The following PDE8A variants were observed in gnomAD, a reference collection of about 807,000 sequenced individuals.
The protein encoded by PDE8A is phosphodiesterase 8A.
In PDE8A, 59 loss-of-function variants were observed where a neutral mutation model predicts 105.0. The observed-to-expected ratio is 0.56, with a 90% CI of 0.46 to 0.70. The LOEUF is 0.70. Among genes scored for constraint, PDE8A ranks in the 30% least tolerant of loss-of-function variants. The pLI, the probability that PDE8A is intolerant of heterozygous loss-of-function variation, is 0.00. For missense variants in PDE8A, 1,014 were observed against 1,045.9 expected (o/e 0.97, Z 0.42); for synonymous variants, 355 against 371.9 (o/e 0.95, Z 0.52).
At chr15:85,007,710 G>A (rs998197100) in intron 1 of PDE8A, among the ~76,000 whole-genome samples, 2 of 152,054 alleles carry the variant, frequency 1.3e-5, no homozygotes, top group African/African-American at 4.8e-5. Flanking sequence ...GGAGTGCTGG[G>A]AGGATTAAAT....
rs371837810 is a variant in PDE8A, at chr15:85,029,911, G to A, written c.187-34459G>A. On this transcript the variant is annotated intron_variant, in intron 1 of 21. Coordinates refer to ENST00000394553, the MANE Select transcript of PDE8A (RefSeq NM_002605.3). ...GGGAAGGGGGACACTCTTTTAACTGGGAGAAAGAAGTCTCCACCTCTCCCC... is the reference window on the plus strand; with the variant it reads ...GGGAAGGGGGACACTCTTTTAACTGAGAGAAAGAAGTCTCCACCTCTCCCC... Among the ~76,000 whole-genome samples the A allele has an allele frequency of 2.0e-4, 30 of 152,224 alleles. No individual in the cohort carries two copies. In the East Asian group the frequency reaches 3.1e-3, roughly 16 times the overall value.
chr15:85,084,562 A>G (rs2081519288), intron 6 of PDE8A, among the ~76,000 whole-genome samples: 1 of 152,206 alleles, frequency 6.6e-6, no homozygotes, highest in Non-Finnish European at 1.5e-5. Context: ...CAGCACTCCC[A>G]CAGTGAATTA....
intron 5 of PDE8A, among the ~76,000 whole-genome samples, chr15:85,081,672 G>A (rs1225182254): frequency 6.6e-6 from 1 of 152,108 alleles, no homozygotes; most frequent in East Asian, 1.9e-4. Flanking sequence ...TGGGATCCTT[G>A]GGACAGAAAC....
At chr15:84,990,358 C>T (rs967775257) in intron 1 of PDE8A, among the ~76,000 whole-genome samples, 3 of 152,032 alleles carry the variant, frequency 2.0e-5, no homozygotes, top group Non-Finnish European at 4.4e-5. Context: ...ATTATAATCA[C>T]CCCCAAAAGT....
chr15:85,032,025 T>C (rs930959457), intron 1 of PDE8A, among the ~76,000 whole-genome samples: 6 of 152,180 alleles, frequency 3.9e-5, no homozygotes, highest in African/African-American at 1.4e-4. Context: ...TTTGTATAGG[T>C]GATGTTACTT....
At chr15:85,091,637 AAG>A (rs1208378753) in intron 8 of PDE8A, among the ~76,000 whole-genome samples, 5 of 152,210 alleles carry the variant, frequency 3.3e-5, no homozygotes, top group African/African-American at 1.2e-4. Context: ...GTATGGAAAG[AAG>A]AGCAAAACAA....
At chr15:84,991,216 G>A (rs755396408) in intron 1 of PDE8A, among the ~76,000 whole-genome samples, 1 of 152,116 alleles carries the variant, frequency 6.6e-6, no homozygotes, top group Non-Finnish European at 1.5e-5. Flanking sequence ...AAAGGAAAGC[G>A]GCAGACTGGA....
intron 1 of PDE8A, among the ~76,000 whole-genome samples, chr15:85,000,888 C>T (rs780622316): frequency 6.6e-6 from 1 of 152,172 alleles, no homozygotes; most frequent in African/African-American, 2.4e-5. Context: ...TTCTGAAAAA[C>T]TTGTCTTCAG....
chr15:85,066,535 G>A (rs59741391), intron 2 of PDE8A, among the ~76,000 whole-genome samples: 2 of 149,478 alleles, frequency 1.3e-5, no homozygotes, highest in Admixed American at 1.4e-4. Context: ...CTGTACACCA[G>A]CCCATGCAAC....
intron 5 of PDE8A, among the ~76,000 whole-genome samples, chr15:85,080,343 C>T (rs147748757): frequency 7.0e-4 from 107 of 152,270 alleles, no homozygotes; most frequent in Middle Eastern, 3.4e-3. Flanking sequence ...AGCAGTAAGG[C>T]GTCCCAGGTT....
chr15:84,993,545 C>T (rs1286648886), intron 1 of PDE8A, among the ~76,000 whole-genome samples: 1 of 149,874 alleles, frequency 6.7e-6, no homozygotes, highest in Non-Finnish European at 1.5e-5. Flanking sequence ...TGGTGTGTTT[C>T]CTTCCATCCA....
chr15:85,042,677 C>G (rs557876266), intron 1 of PDE8A, among the ~76,000 whole-genome samples: 3 of 152,184 alleles, frequency 2.0e-5, no homozygotes, highest in Non-Finnish European at 4.4e-5. Context: ...TGTTCTAGAA[C>G]CAAAGTAGGG....
At chr15:85,037,011 G>C (rs1032685332) in intron 1 of PDE8A, among the ~76,000 whole-genome samples, 2 of 151,952 alleles carry the variant, frequency 1.3e-5, no homozygotes, top group African/African-American at 4.8e-5. Flanking sequence ...CCTGCTATTA[G>C]AGAGAGGTCT....
At chr15:85,003,379 G>A (rs774639635) in intron 1 of PDE8A, among the ~76,000 whole-genome samples, 6 of 152,194 alleles carry the variant, frequency 3.9e-5, no homozygotes, top group Non-Finnish European at 8.8e-5. Context: ...AAAATCCTGG[G>A]GAAAAACCAA....
At chr15:85,017,231 G>A (rs1056103631) in intron 1 of PDE8A, among the ~76,000 whole-genome samples, 13 of 149,914 alleles carry the variant, frequency 8.7e-5, no homozygotes, top group Admixed American at 4.7e-4. Context: ...ACTGCAGTCC[G>A]CAGTCCGGCC....
intron 1 of PDE8A, among the ~76,000 whole-genome samples, chr15:85,053,942 T>C (rs893619971): frequency 1.2e-4 from 18 of 152,166 alleles, no homozygotes; most frequent in Non-Finnish European, 2.4e-4. Flanking sequence ...CAGTATGATA[T>C]TGGCTGTGGG....
chr15:84,993,414 G>C (rs2079922177), intron 1 of PDE8A, among the ~76,000 whole-genome samples: 1 of 129,236 alleles, frequency 7.7e-6, no homozygotes, highest in Admixed American at 9.3e-5. Context: ...CTGCAGTCCA[G>C]CCTGGGCGAC....
At chr15:85,023,415 A>G (rs2080461312) in intron 1 of PDE8A, among the ~76,000 whole-genome samples, 1 of 152,152 alleles carries the variant, frequency 6.6e-6, no homozygotes, top group African/African-American at 2.4e-5. Context: ...GCTTTGCCAC[A>G]TATTGTGGTG....
In PDE8A at chr15:85,119,229, A is replaced by G. The variant is rs2141616901; in HGVS notation, c.1734+1390A>G. Among the ~76,000 whole-genome samples, 5 of 152,198 alleles carry G rather than the reference A, an allele frequency of 3.3e-5. No homozygotes were observed. In the South Asian group the frequency reaches 1.0e-3, roughly 32 times the overall value. Reference sequence around the variant, plus strand: ...CATGGTGGCTCACACCTGTAATCCCAGTACTTTGGGATACCAAGGCAGATG... The same window carrying G: ...CATGGTGGCTCACACCTGTAATCCCGGTACTTTGGGATACCAAGGCAGATG... On this transcript the variant is annotated intron_variant, in intron 17 of 21. Coordinates refer to ENST00000394553, the MANE Select transcript of PDE8A (RefSeq NM_002605.3).
Sources: gnomAD v4.1 joint callset for allele counts (sites outside exome capture counted in the v4.1 genomes callset) on GRCh38, gnomAD v4.1.1 for gene constraint, MANE v1.5 for transcripts, NCBI Gene and HGNC (gene_info 2026-07-23, HGNC 2026-07-21) for gene names.